The following PLEKHG4B variants were observed in gnomAD, a reference collection of about 807,000 sequenced individuals.
PLEKHG4B encodes the protein pleckstrin homology and RhoGEF domain containing G4B, also known as pleckstrin homology domain-containing family G member 4B.
Under a neutral mutation model 121.3 loss-of-function variants are expected in PLEKHG4B, and 111 were observed. That is an observed-to-expected ratio of 0.92 (90% CI 0.78 to 1.07). The LOEUF (loss-of-function observed/expected upper bound fraction) is 1.07, where lower values mean the gene tolerates loss of function less well. PLEKHG4B is among the 50% of genes least tolerant of loss of function. The pLI is 0.00. For synonymous variants in PLEKHG4B, 738 were observed against 725.0 expected (o/e 1.02, Z -0.29); for missense variants, 1,831 against 1,757.8 (o/e 1.04, Z -0.74).
chr5:110,480 GCAACACGTGTGCA>G (rs1404600242), intron 1 of PLEKHG4B, among the ~76,000 whole-genome samples: 2 of 132,846 alleles, frequency 1.5e-5, no homozygotes, highest in Non-Finnish European at 3.1e-5. Context: ...CACACAATCT[GCAACACGTGTGCA>G]CACTGGCCAC....
intron 14 of PLEKHG4B, among the ~76,000 whole-genome samples, chr5:169,959 C>T (rs986464053): frequency 4.6e-5 from 7 of 152,186 alleles, no homozygotes; most frequent in African/African-American, 1.7e-4. Context: ...GGCCTCACCT[C>T]TTCACACGCC....
At chr5:130,670 G>GT (rs1487756760) in intron 2 of PLEKHG4B, among the ~76,000 whole-genome samples, 2 of 152,186 alleles carry the variant, frequency 1.3e-5, no homozygotes, top group Non-Finnish European at 2.9e-5. Context: ...GTGAAGTCGA[G>GT]TGCCCTCATT....
chr5:112,911 T>TA (rs1245969467), intron 1 of PLEKHG4B, among the ~76,000 whole-genome samples: 4 of 152,092 alleles, frequency 2.6e-5, no homozygotes, highest in Admixed American at 2.6e-4. Flanking sequence ...GGATGAAACT[T>TA]ACCCTAAATC....
chr5:109,197 C>A (rs1043191856), intron 1 of PLEKHG4B, among the ~76,000 whole-genome samples: 2 of 152,068 alleles, frequency 1.3e-5, no homozygotes, highest in Admixed American at 6.5e-5. Flanking sequence ...TGAGACCAGC[C>A]TGGCCAACAT....
Position 156,148 on chromosome 5 carries a change from G to A in PLEKHG4B, c.2286G>A (p.Arg762=), listed in dbSNP as rs1194738430. The A allele has an allele frequency of 6.3e-7, 1 of 1,595,360 alleles. No individual in the cohort carries two copies. The highest frequency in any genetic ancestry group is 8.5e-7 in the Non-Finnish European group (1 of 1,171,214). ...VLEDPLLVSL[R]LEGGTVLARL... is the part of the protein sequence containing the mutation. ...AAGACCCACTGCTTGTGTCTCTCAG[G>A]CTGGAGGGGGGCACCGTCCTGGCGC... Residue 762 remains arginine, a synonymous_variant, in exon 10 of 20, where the codon AGG becomes AGA. Transcript: ENST00000637938. The surrounding 1 kb of genome is among the most constrained non-coding windows in gnomAD (Gnocchi z 4.4).
rs1733666579 is a variant in PLEKHG4B, at chr5:187,605, A to G, written c.*5282A>G. On this transcript the variant is annotated 3_prime_UTR_variant, in exon 20 of 20. Transcript: ENST00000637938. ...CTGACAGGCAAAATGCTCCTTACAT[A>G]AGGAAAGACCTTTCCTTGGCTGACC... is the stretch of plus-strand genomic sequence containing the variant. The G allele has an allele frequency of 6.6e-6, 1 of 152,140 alleles. No individual in the cohort carries two copies. The highest frequency in any genetic ancestry group is 2.4e-5 in the African/African-American group (1 of 41,392). 9.4% of individuals were successfully genotyped at this position (152,140 alleles called of 1,614,324 possible). A position where few individuals can be genotyped will look rare whatever the true frequency, so the allele number is the denominator to read the frequency against.
intron 1 of PLEKHG4B, among the ~76,000 whole-genome samples, chr5:95,238 C>T (rs1461422308): frequency 1.3e-5 from 2 of 152,210 alleles, no homozygotes; most frequent in South Asian, 2.1e-4. Flanking sequence ...ACAGCCTGGA[C>T]GTGGGTTCTG....
intron 16 of PLEKHG4B, among the ~76,000 whole-genome samples, chr5:172,361 T>C (rs900950033): frequency 2.6e-5 from 4 of 152,170 alleles, no homozygotes; most frequent in African/African-American, 7.2e-5. Context: ...GGCGGCTCCA[T>C]CTCTGGGGGC....
intron 1 of PLEKHG4B, among the ~76,000 whole-genome samples, chr5:92,662 G>A (rs75282059): frequency 0.032 from 4,786 of 151,618 alleles, 253 homozygotes; most frequent in African/African-American, 0.11. Context: ...TTGTAACCTC[G>A]TGAATACTCG....
In PLEKHG4B at chr5:163,119, C is replaced by T. The variant is rs3810869; in HGVS notation, c.3047C>T (p.Ala1016Val). ...CCACTGTCCGGCCTCCCTGGACGAG[C>T]GCTTCTGTGTGGACAGGACGGGGAG... is the stretch of plus-strand genomic sequence containing the variant. ...AQPLSGLPGRALLCGQDGETL... is the reference protein window; with the variant it reads ...AQPLSGLPGRVLLCGQDGETL... The change falls in exon 13 of 20, where the codon GCG becomes GTG. Residue 1016 changes from alanine (A) to valine (V), a missense_variant. Transcript: ENST00000637938. The T allele has an allele frequency of 7.5e-3, 11,761 of 1,564,192 alleles. 213 individuals are homozygous for T. Among genetic ancestry groups the T allele is most frequent in the Admixed American group, 0.064 (3,428 of 53,546 alleles).
At chr5:104,790 T>C (rs1417800805) in intron 1 of PLEKHG4B, among the ~76,000 whole-genome samples, 2 of 152,272 alleles carry the variant, frequency 1.3e-5, no homozygotes, top group African/African-American at 4.8e-5. Context: ...AGCTGAAAGA[T>C]GCTTTAGGAA....
In PLEKHG4B at chr5:135,675, AAAAAAAAATATATATATATATAT is replaced by A. The variant is rs1455985781; in HGVS notation, c.244-3806_244-3784del. 9.3e-3 allele frequency among the ~76,000 whole-genome samples: 680 copies of A among 73,150 alleles called. 22 individuals are homozygous for A. The highest frequency in any genetic ancestry group is 0.036 in the East Asian group (108 of 3,028). The allele number at this position is 73,150 out of a possible 152,430, so 48.0% of individuals were successfully genotyped here. On this transcript the variant is annotated intron_variant, in intron 2 of 19. Transcript: ENST00000637938. Reference sequence around the variant, plus strand: ...AGCAAGACTCCATCTCAAAAAAAAAAAAAAAAAATATATATATATATATATATATATATATATATATATATATA... The same window carrying A: ...AGCAAGACTCCATCTCAAAAAAAAAAATATATATATATATATATATATATA...
At position 140,403 on chromosome 5, in the gene PLEKHG4B, G is replaced by C; in HGVS notation, c.1164G>C (p.Leu388=). 1 of 1,554,352 alleles carries C rather than the reference G, an allele frequency of 6.4e-7. No individual in the cohort carries two copies. ...CCCTGACTGGAGCCAGCAGGGACCT[G>C]GGGACTGGGGCAGTAGCCAGTGGGA... ...CSSLTGASRD[L]GTGAVASGTQ... is the part of the protein sequence containing the mutation. The change falls in exon 3 of 20, where the codon CTG becomes CTC. Residue 388 remains leucine, a synonymous_variant. Transcript: ENST00000637938.
At chr5:167,833 G>A (rs1736403246) in intron 13 of PLEKHG4B, among the ~76,000 whole-genome samples, 1 of 152,254 alleles carries the variant, frequency 6.6e-6, no homozygotes, top group South Asian at 2.1e-4. Flanking sequence ...AGAGCCACCA[G>A]CCTAAGCGTC....
chr5:105,307 G>C (rs1733946167), intron 1 of PLEKHG4B, among the ~76,000 whole-genome samples: 1 of 152,234 alleles, frequency 6.6e-6, no homozygotes, highest in Admixed American at 6.5e-5. Flanking sequence ...AAGGGTGTTA[G>C]GTGAAATTTC....
chr5:123,983 G>A (rs1734539264), intron 2 of PLEKHG4B, among the ~76,000 whole-genome samples: 1 of 151,914 alleles, frequency 6.6e-6, no homozygotes, highest in Admixed American at 6.6e-5. Flanking sequence ...AAAAATGTAA[G>A]CATTTATAGC....
At position 163,047 on chromosome 5, in the gene PLEKHG4B, C is replaced by T. The variant is rs773786137; in HGVS notation, c.2975C>T (p.Ser992Leu). The T allele has an allele frequency of 3.8e-6, 6 of 1,560,184 alleles. No homozygotes were observed. The South Asian group carries it at 5.9e-5, about 15-fold the overall frequency. The change falls in exon 13 of 20, where the codon TCA becomes TTA. Residue 992 changes from serine (S) to leucine (L), a missense_variant. Physicochemically the swap from Ser to Leu is moderately radical, Grantham distance 145 (BLOSUM62 -2). Coordinates refer to ENST00000637938, the MANE Select transcript of PLEKHG4B (RefSeq NM_052909.5). ...EAMRRHQKPP[S>L]FPSTDSGGGA... ...ATGAGGAGGCACCAGAAGCCACCCTCATTCCCCAGCACGGACAGTGGGGGT... is the reference window on the plus strand; with the variant it reads ...ATGAGGAGGCACCAGAAGCCACCCTTATTCCCCAGCACGGACAGTGGGGGT...
chr5:143,315 C>T, intron 4 of PLEKHG4B, 59 bp downstream of exon 4: 3 of 1,607,466 alleles, frequency 1.9e-6, no homozygotes, highest in Non-Finnish European at 2.5e-6. Context: ...GCCGACAGCA[C>T]AGACCCAGCT....
At chr5:146,900 C>T (rs1735439361) in intron 6 of PLEKHG4B, among the ~76,000 whole-genome samples, 1 of 151,926 alleles carries the variant, frequency 6.6e-6, no homozygotes, top group South Asian at 2.1e-4. Flanking sequence ...CTTACTTTCG[C>T]AGTACGTGGC....
Sources: allele counts gnomAD v4.1 joint callset (sites outside exome capture counted in the v4.1 genomes callset), GRCh38; gene constraint gnomAD v4.1.1; non-coding constraint Gnocchi (gnomAD v3.1); transcripts MANE v1.5; gene names NCBI Gene and HGNC (gene_info 2026-07-23, HGNC 2026-07-21).